SPHK2: variants seen among roughly 807,000 people sequenced by gnomAD.
SPHK2 encodes the protein sphingosine kinase 2.
In SPHK2, 18 loss-of-function variants were observed where a neutral mutation model predicts 32.3. That is an observed-to-expected ratio of 0.56 (90% confidence interval 0.39 to 0.83). SPHK2 has a LOEUF of 0.83. Among genes scored for constraint, SPHK2 ranks in the 40% least tolerant of loss-of-function variants. The pLI, the probability that SPHK2 is intolerant of heterozygous loss-of-function variation, is 0.00. For missense variants in SPHK2, 850 were observed against 908.7 expected (o/e 0.94, Z 0.83); for synonymous variants, 462 against 417.6 (o/e 1.11, Z -1.30).
In SPHK2 at chr19:48,626,093, C is replaced by T. The variant is rs1404429384; in HGVS notation, c.242C>T (p.Pro81Leu). 1.2e-6 allele frequency: 2 copies of T among 1,612,192 alleles called. No homozygotes were observed. Among genetic ancestry groups the T allele is most frequent in the Admixed American group, 3.3e-5 (2 of 59,946 alleles). ...GCCCTGCACATACAGCGGCTGCGCCCCAAACCTGAAGCCAGGCCCCGGGGT... is the reference window on the plus strand; with the variant it reads ...GCCCTGCACATACAGCGGCTGCGCCTCAAACCTGAAGCCAGGCCCCGGGGT... ...SQALHIQRLR[P>L]KPEARPRGGL... is the part of the protein sequence containing the mutation. The change falls in exon 3 of 7, where the codon CCC becomes CTC. Residue 81 changes from proline to leucine, a missense_variant. By Grantham distance (98) the Pro-to-Leu change is moderately conservative (BLOSUM62 -3). This residue lies in a region of SPHK2 where 544 missense variants were observed against 640.0 expected (regional missense o/e 0.85). Transcript: ENST00000245222.
Position 48,629,004 on chromosome 19 carries a change from C to A in SPHK2, c.1196C>A (p.Ser399Ter). The A allele has an allele frequency of 1.2e-6, 2 of 1,613,594 alleles. No individual in the cohort carries two copies. The highest frequency in any genetic ancestry group is 1.7e-6 in the Non-Finnish European group (2 of 1,179,934). ...GCCCATAGCCTGCCTCGTGCCAAGT[C>A]GGAGCTGACCCTAACCCCAGACCCA... ...TPAHSLPRAK[S>*]ELTLTPDPAP... is the part of the protein sequence containing the mutation. The change falls in exon 7 of 7, where the codon TCG becomes TAG. Residue 399 changes from serine to a stop codon, truncating the protein, a stop_gained. Transcript: ENST00000245222. LOFTEE classifies it low-confidence loss of function (END_TRUNC).
Position 48,619,550 on chromosome 19 carries a change from A to C in SPHK2, c.-114+7A>C, listed in dbSNP as rs906725321. ...GGCGGGCCCAGTGTTGGAGGTGAGG[A>C]GGCGGGGCTGGCAGGGCTAGTCGGG... On this transcript the variant is annotated splice_region_variant and intron_variant, in intron 1 of 6. Coordinates refer to ENST00000245222, the MANE Select transcript of SPHK2 (RefSeq NM_020126.5). 8 of 228,798 alleles carry C rather than the reference A, an allele frequency of 3.5e-5. No homozygotes were observed. Among genetic ancestry groups the C allele is most frequent in the Non-Finnish European group, 6.1e-5 (7 of 113,910 alleles). 14.2% of individuals were successfully genotyped at this position (228,798 alleles called of 1,614,324 possible).
intron 2 of SPHK2, among the ~76,000 whole-genome samples, chr19:48,622,506 C>G (rs1974446143): frequency 6.6e-6 from 1 of 152,080 alleles, no homozygotes; most frequent in Non-Finnish European, 1.5e-5. Flanking sequence ...TTTTCCTCCT[C>G]CCTGTCCTCT....
chr19:48,620,879 G>A (rs910702133), intron 2 of SPHK2: 20 of 225,660 alleles, frequency 8.9e-5, no homozygotes, highest in African/African-American at 3.7e-4. Flanking sequence ...AGCCGAGATC[G>A]CGCTGCACTC....
rs762651579 is a variant in SPHK2, at chr19:48,628,816, C to G, written c.1008C>G (p.Ala336=). 1 of 1,613,742 alleles carries G rather than the reference C, an allele frequency of 6.2e-7. No homozygotes were observed. Among genetic ancestry groups the G allele is most frequent in the East Asian group, 2.2e-5 (1 of 44,876 alleles). The change falls in exon 7 of 7, where the codon GCC becomes GCG. Residue 336 remains alanine, a synonymous_variant. Coordinates refer to ENST00000245222, the MANE Select transcript of SPHK2 (RefSeq NM_020126.5). This position sits in a 1 kb window ranked among gnomAD's most constrained non-coding sequence, Gnocchi z 5.2. ...GCTGTTTCTCCTTCCTGTCTGTGGCCTGGGGCTTCGTGTCAGATGTGGATA... is the reference window on the plus strand; with the variant it reads ...GCTGTTTCTCCTTCCTGTCTGTGGCGTGGGGCTTCGTGTCAGATGTGGATA... ...GSRCFSFLSV[A]WGFVSDVDIQ...
chr19:48,628,238 C>T lies in SPHK2; in HGVS notation c.833C>T (p.Ser278Leu), dbSNP rs1043398066. The change falls in exon 6 of 7, where the codon TCG becomes TTG. Residue 278 changes from serine to leucine, a missense_variant. By Grantham distance (145) the Ser-to-Leu change is moderately radical. Transcript: ENST00000245222. The surrounding 1 kb of genome is among the most constrained non-coding windows in gnomAD (Gnocchi z 5.2). ...KMPVGILPCG[S>L]GNALAGAVNQ... ...CCTGTGGGCATCCTCCCCTGCGGCTCGGGCAACGCGCTGGCCGGAGCAGTG... is the reference window on the plus strand; with the variant it reads ...CCTGTGGGCATCCTCCCCTGCGGCTTGGGCAACGCGCTGGCCGGAGCAGTG... The T allele has an allele frequency of 5.0e-6, 8 of 1,613,486 alleles. No individual in the cohort carries two copies. The highest frequency in any genetic ancestry group is 2.7e-5 in the African/African-American group (2 of 74,882).
chr19:48,625,574 A>G, intron 2 of SPHK2: 1 of 1,386,310 alleles, frequency 7.2e-7, no homozygotes, highest in Non-Finnish European at 9.5e-7. Context: ...TATGAAGGCA[A>G]GGATTTGGGG....
intron 2 of SPHK2, 35 bp downstream of exon 2, chr19:48,620,588 T>C (rs1207484553): frequency 1.9e-6 from 3 of 1,546,490 alleles, no homozygotes; most frequent in Admixed American, 2.0e-5. Context: ...ATCCTCATAC[T>C]GTGGAAAGAC....
At position 48,628,016 on chromosome 19, in the gene SPHK2, C is replaced by T; in HGVS notation, c.703C>T (p.Leu235=). ...CCGGGAGCTGGTCCAGGGGCTGAGCCTGAGTGAGTGGGATGGCATCGTCAC... is the reference window on the plus strand; with the variant it reads ...CCGGGAGCTGGTCCAGGGGCTGAGCTTGAGTGAGTGGGATGGCATCGTCAC... ...HARELVQGLS[L]SEWDGIVTVS... The change falls in exon 5 of 7, where the codon CTG becomes TTG. Residue 235 remains leucine, a synonymous_variant. Transcript: ENST00000245222. The surrounding 1 kb of genome is among the most constrained non-coding windows in gnomAD (Gnocchi z 5.2). 6.3e-7 allele frequency: 1 copy of T among 1,596,952 alleles called. No individual in the cohort carries two copies. Among genetic ancestry groups the T allele is most frequent in the Non-Finnish European group, 8.6e-7 (1 of 1,168,682 alleles).
chr19:48,627,623 TGAAGG>T, intron 3 of SPHK2, 64 bp from the exon 4 acceptor site: 3 of 1,504,720 alleles, frequency 2.0e-6, no homozygotes, highest in Non-Finnish European at 2.7e-6. Flanking sequence ...TGGGGGCTGA[TGAAGG>T]GACTGTTTCC....
In SPHK2 at chr19:48,622,757, C is replaced by CTT. The variant is rs779108312; in HGVS notation, c.39+2229_39+2230dup. Reference sequence around the variant, plus strand: ...CAAACTTCTTCCTACATTTGTCTCTCTTTTTTTTTTTTTTTTTTTTTTTTT... The same window carrying CTT: ...CAAACTTCTTCCTACATTTGTCTCTCTTTTTTTTTTTTTTTTTTTTTTTTTTT... On this transcript the variant is annotated intron_variant, in intron 2 of 6. Transcript: ENST00000245222. 1.1e-3 allele frequency among the ~76,000 whole-genome samples: 118 copies of CTT among 108,530 alleles called. 4 individuals are homozygous for CTT. Among genetic ancestry groups the CTT allele is most frequent in the Admixed American group, 1.5e-3 (14 of 9,428 alleles). The allele number at this position is 108,530 out of a possible 152,430, so 71.2% of individuals were successfully genotyped here.
At chr19:48,621,343 T>C (rs564638268) in intron 2 of SPHK2, among the ~76,000 whole-genome samples, 26 of 152,310 alleles carry the variant, frequency 1.7e-4, no homozygotes, top group Non-Finnish European at 3.7e-4. Flanking sequence ...CCTCCCAAAG[T>C]GCTGGGATTA....
Position 48,629,525 on chromosome 19 carries a change from A to C in SPHK2, c.1717A>C (p.Ser573Arg). The C allele has an allele frequency of 3.1e-6, 5 of 1,606,126 alleles. No homozygotes were observed. The highest frequency in any genetic ancestry group is 4.2e-6 in the Non-Finnish European group (5 of 1,177,628). Residue 573 changes from serine (S) to arginine (R), a missense_variant, in exon 7 of 7, where the codon AGC (serine) becomes CGC (arginine). Ser to Arg is a moderately radical substitution (Grantham distance 110, BLOSUM62 -1). This residue lies in a region of SPHK2 where 306 missense variants were observed against 268.6 expected (regional missense o/e 1.14). Transcript: ENST00000245222. ...DGLVHLCWVRSGISRAALLRL... is the reference protein window; with the variant it reads ...DGLVHLCWVRRGISRAALLRL... Reference sequence around the variant, plus strand: ...CCTGGTGCACCTGTGCTGGGTGCGTAGCGGCATCTCGCGGGCTGCGCTGCT... The same window carrying C: ...CCTGGTGCACCTGTGCTGGGTGCGTCGCGGCATCTCGCGGGCTGCGCTGCT...
Position 48,628,676 on chromosome 19 carries a change from T to C in SPHK2, c.873-5T>C. 3 of 1,608,686 alleles carry C rather than the reference T, an allele frequency of 1.9e-6. No individual in the cohort carries two copies. Among genetic ancestry groups the C allele is most frequent in the Non-Finnish European group, 2.5e-6 (3 of 1,178,638 alleles). On this transcript the variant is annotated splice_polypyrimidine_tract_variant and splice_region_variant and intron_variant, in intron 6 of 6. Transcript: ENST00000245222. This position sits in a 1 kb window ranked among gnomAD's most constrained non-coding sequence, Gnocchi z 5.2. Reference sequence around the variant, plus strand: ...CTGTGTGTCCGTCCATCTCCGGCTGTGAAGATTTGAGCCAGCCCTGGGCCT... The same window carrying C: ...CTGTGTGTCCGTCCATCTCCGGCTGCGAAGATTTGAGCCAGCCCTGGGCCT...
At position 48,626,215 on chromosome 19, in the gene SPHK2, C is replaced by T. The variant is rs777082742; in HGVS notation, c.364C>T (p.Arg122Trp). ...CTACTTCTGCATCTACACCTACCCT[C>T]GGGGCCGGCGCGGGGCCCGGCGCAG... ...AAYFCIYTYP[R>W]GRRGARRRAT... The change falls in exon 3 of 7, where the codon CGG becomes TGG. Residue 122 changes from arginine (R) to tryptophan (W), a missense_variant. By Grantham distance (101) the Arg-to-Trp change is moderately radical. Around this residue, in one of 2 missense-constraint regions of SPHK2, gnomAD observed 544 missense variants for 640.0 expected, o/e 0.85. Coordinates refer to ENST00000245222, the MANE Select transcript of SPHK2 (RefSeq NM_020126.5). 30 of 1,594,274 alleles carry T rather than the reference C, an allele frequency of 1.9e-5. No homozygotes were observed. The highest frequency in any genetic ancestry group is 2.2e-5 in the East Asian group (1 of 44,772).
In SPHK2 at chr19:48,630,387, A is replaced by G; in HGVS notation, c.*614A>G. ...TTGAAAAGGTCTATGCAATAAAGGC[A>G]GTCGCTTCATTCCTCTCAGACCTTC... On this transcript the variant is annotated 3_prime_UTR_variant, in exon 7 of 7. Transcript: ENST00000245222. This position sits in a 1 kb window ranked among gnomAD's most constrained non-coding sequence, Gnocchi z 4.9. 1 of 1,378,094 alleles carries G rather than the reference A, an allele frequency of 7.3e-7. No homozygotes were observed. The highest frequency in any genetic ancestry group is 9.4e-7 in the Non-Finnish European group (1 of 1,067,400). 85.4% of individuals were successfully genotyped at this position (1,378,094 alleles called of 1,614,324 possible).
Position 48,629,126 on chromosome 19 carries a change from C to T in SPHK2, c.1318C>T (p.Pro440Ser). The change falls in exon 7 of 7, where the codon CCC (proline) becomes TCC (serine). Residue 440 changes from proline to serine, a missense_variant. Physicochemically the swap from Pro to Ser is moderately conservative, Grantham distance 74. Coordinates refer to ENST00000245222, the MANE Select transcript of SPHK2 (RefSeq NM_020126.5). ...CCTGGCCTCTCCTGGCTCGCCAGAA[C>T]CCCTGCCCATCCTGTCCCTCAACGG... ...PALASPGSPE[P>S]LPILSLNGGG... The T allele has an allele frequency of 6.2e-7, 1 of 1,613,442 alleles. No homozygotes were observed. Among genetic ancestry groups the T allele is most frequent in the Non-Finnish European group, 8.5e-7 (1 of 1,179,850 alleles).
chr19:48,629,626 T>C lies in SPHK2; in HGVS notation c.1818T>C (p.Arg606=). 6.2e-7 allele frequency: 1 copy of C among 1,600,124 alleles called. No homozygotes were observed. Among genetic ancestry groups the C allele is most frequent in the Non-Finnish European group, 8.5e-7 (1 of 1,174,070 alleles). ...CGCAGCTGGGCTACGCCGCGGCCCG[T>C]GCCTTCCGCCTAGAGCCGCTCACAC... The part of the protein sequence containing the change: ...GCPQLGYAAA[R]AFRLEPLTPR... The change falls in exon 7 of 7, where the codon CGT becomes CGC. Residue 606 remains arginine (R), a synonymous_variant. Transcript: ENST00000245222.
intron 2 of SPHK2, among the ~76,000 whole-genome samples, chr19:48,621,707 CG>C (rs941969977): frequency 1.3e-5 from 2 of 151,118 alleles, no homozygotes; most frequent in African/African-American, 4.9e-5. Flanking sequence ...TTAAGTATTT[CG>C]TGGGGTAGGG....
Sources: allele counts gnomAD v4.1 joint callset (sites outside exome capture counted in the v4.1 genomes callset), GRCh38; gene constraint gnomAD v4.1.1; regional missense constraint gnomAD v4.1.1; non-coding constraint Gnocchi (gnomAD v3.1); transcripts MANE v1.5; gene names NCBI Gene and HGNC (gene_info 2026-07-23, HGNC 2026-07-21).